SLC9A9: variants seen among roughly 807,000 people sequenced by gnomAD.
The protein encoded by SLC9A9 is solute carrier family 9 member A9, also known as sodium/hydrogen exchanger 9.
SLC9A9 carries 62 observed loss-of-function variants against 77.8 expected under a neutral mutation model. The ratio of observed to expected loss-of-function variants is 0.80; its 90% confidence interval spans 0.65 to 0.98. The LOEUF is 0.98. SLC9A9 is among the 50% of genes least tolerant of loss of function. SLC9A9 has a pLI of 0.00. For missense variants in SLC9A9, 775 were observed against 774.9 expected, an observed-to-expected ratio of 1.00 and a Z score of 0.00; for synonymous variants, 320 against 283.5, an observed-to-expected ratio of 1.13 and a Z score of -1.29.
chr3:143,557,750 A>G (rs1452116750), intron 8 of SLC9A9, among the ~76,000 whole-genome samples: 1 of 152,216 alleles, frequency 6.6e-6, no homozygotes, highest in Non-Finnish European at 1.5e-5. Context: ...TGAACTTGAG[A>G]GAGATAATTT....
chr3:143,645,869 G>C (rs1056951461), intron 6 of SLC9A9, among the ~76,000 whole-genome samples: 4 of 151,956 alleles, frequency 2.6e-5, no homozygotes, highest in Non-Finnish European at 5.9e-5. Context: ...TGTCATCCAA[G>C]AGTCAGCTGT....
rs1474388129 is a variant in SLC9A9 at position 143,730,729 on chromosome 3, G to A, written c.534-37422C>T. On this transcript the variant is annotated intron_variant, in intron 4 of 15. Coordinates refer to ENST00000316549, the MANE Select transcript of SLC9A9 (RefSeq NM_173653.4). ...ATTTCGGTGCCTATTGAAATGCCTG[G>A]AACATATTGCAAACACTTAGTAAGC... is the stretch of plus-strand genomic sequence containing the variant. Among the ~76,000 whole-genome samples the A allele has an allele frequency of 2.0e-5, 3 of 152,168 alleles. 1 individual carries two copies.
At chr3:143,494,293 G>GC (rs1325540160) in intron 10 of SLC9A9, among the ~76,000 whole-genome samples, 17 of 152,120 alleles carry the variant, frequency 1.1e-4, no homozygotes, top group African/African-American at 4.1e-4. Context: ...GCTTTATCTG[G>GC]CAATTTCCTA....
intron 1 of SLC9A9, among the ~76,000 whole-genome samples, chr3:143,844,745 CT>C (rs1270648839): frequency 8.9e-5 from 13 of 146,068 alleles, no homozygotes; most frequent in South Asian, 7.0e-4. Context: ...TTCTTTCTTT[CT>C]TTCTTTCTTT....
chr3:143,497,115 A>C (rs1158305053), intron 9 of SLC9A9, among the ~76,000 whole-genome samples: 1 of 152,218 alleles, frequency 6.6e-6, no homozygotes, highest in Non-Finnish European at 1.5e-5. Flanking sequence ...CAACATATGA[A>C]TTTTTAGAGA....
chr3:143,811,379 A>T (rs1448288229), intron 2 of SLC9A9, among the ~76,000 whole-genome samples: 1 of 152,138 alleles, frequency 6.6e-6, no homozygotes, highest in Non-Finnish European at 1.5e-5. Flanking sequence ...CCTAATGAAA[A>T]TATACCACCT....
At chr3:143,704,794 A>C (rs967739207) in intron 4 of SLC9A9, among the ~76,000 whole-genome samples, 12 of 152,060 alleles carry the variant, frequency 7.9e-5, no homozygotes, top group Non-Finnish European at 1.8e-4. Context: ...GGGGTTCAAG[A>C]CCAGCCTGAC....
At chr3:143,314,876 G>A (rs1387145198) in intron 14 of SLC9A9, among the ~76,000 whole-genome samples, 1 of 152,216 alleles carries the variant, frequency 6.6e-6, no homozygotes, top group Non-Finnish European at 1.5e-5. Context: ...TAACCTCAGA[G>A]CCTCCCTTGA....
chr3:143,302,794 G>A (rs535083675), intron 14 of SLC9A9, among the ~76,000 whole-genome samples: 1 of 152,346 alleles, frequency 6.6e-6, no homozygotes, highest in South Asian at 2.1e-4. Flanking sequence ...GGAGGATAAA[G>A]CCAGATGGGT....
At chr3:143,304,793 G>A (rs2030704620) in intron 14 of SLC9A9, among the ~76,000 whole-genome samples, 1 of 152,012 alleles carries the variant, frequency 6.6e-6, no homozygotes, top group African/African-American at 2.4e-5. Context: ...TTCCTATTAC[G>A]ACTTAAGTCC....
chr3:143,273,809 A>G (rs1937965617), intron 14 of SLC9A9, among the ~76,000 whole-genome samples: 1 of 152,182 alleles, frequency 6.6e-6, no homozygotes, highest in Non-Finnish European at 1.5e-5. Flanking sequence ...AAGACACTGA[A>G]TTTTCAGCAA....
At chr3:143,619,485 T>C (rs1274430687) in intron 6 of SLC9A9, among the ~76,000 whole-genome samples, 1 of 152,236 alleles carries the variant, frequency 6.6e-6, no homozygotes, top group Non-Finnish European at 1.5e-5. Flanking sequence ...ACATTTTCCA[T>C]GCATAGCAGT....
Position 143,767,376 on chromosome 3 carries a change from A to ATGTGTGTGTGTG in SLC9A9, c.533+27613_533+27624dup, listed in dbSNP as rs142594079. ...TTTGTGAAACAGTAAGTGTCTGTGT[A>ATGTGTGTGTGTG]TGTGTGTGTGTGTGTGTGTGTGTGT... is the stretch of plus-strand genomic sequence containing the variant. On this transcript the variant is annotated intron_variant, in intron 4 of 15. Coordinates refer to ENST00000316549, the MANE Select transcript of SLC9A9 (RefSeq NM_173653.4). Among the ~76,000 whole-genome samples, 979 of 141,360 alleles carry ATGTGTGTGTGTG rather than the reference A, an allele frequency of 6.9e-3. 15 individuals carry two copies. Among genetic ancestry groups the ATGTGTGTGTGTG allele is most frequent in the African/African-American group, 0.022 (860 of 38,752 alleles). 92.7% of individuals were successfully genotyped at this position (141,360 alleles called of 152,430 possible). A position where few individuals can be genotyped will look rare whatever the true frequency, so the allele number is the denominator to read the frequency against.
chr3:143,278,553 C>A (rs887519139), intron 14 of SLC9A9, among the ~76,000 whole-genome samples: 2 of 152,206 alleles, frequency 1.3e-5, no homozygotes, highest in African/African-American at 4.8e-5. Flanking sequence ...CTGAGGCCAG[C>A]AATCCTTGGT....
At chr3:143,707,722 A>G (rs1298329811) in intron 4 of SLC9A9, among the ~76,000 whole-genome samples, 1 of 152,180 alleles carries the variant, frequency 6.6e-6, no homozygotes. Flanking sequence ...TTTCCCCTGC[A>G]AGCCAGTTCA....
chr3:143,413,899 GC>G lies in SLC9A9; in HGVS notation c.1470-31786del, dbSNP rs985970619. ...GTCTTACGTGGGTGAAAATATACTG[GC>G]TTTTTCTGGTGAGGGGCCTGTGCCC... On this transcript the variant is annotated intron_variant, in intron 12 of 15. Transcript: ENST00000316549. 2.1e-4 allele frequency among the ~76,000 whole-genome samples: 32 copies of G among 152,206 alleles called. 1 individual carries two copies. The highest frequency in any genetic ancestry group is 8.5e-4 in the Admixed American group (13 of 15,300).
rs114573182 is a variant in SLC9A9, at chr3:143,627,594, A to T, written c.755+24661T>A. 2,302 of 321,606 alleles carry T rather than the reference A, an allele frequency of 7.2e-3. 45 individuals are homozygous for T. The highest frequency in any genetic ancestry group is 0.046 in the African/African-American group (2,091 of 45,274). 19.9% of individuals were successfully genotyped at this position (321,606 alleles called of 1,614,324 possible). A position where few individuals can be genotyped will look rare whatever the true frequency, so the allele number is the denominator to read the frequency against. On this transcript the variant is annotated intron_variant, in intron 6 of 15. Coordinates refer to ENST00000316549, the MANE Select transcript of SLC9A9 (RefSeq NM_173653.4). ...GTGGTTCTTTTCTGGCAGACCTCTCACTAACAAAATGAAATTGGAAGAGCC... is the reference window on the plus strand; with the variant it reads ...GTGGTTCTTTTCTGGCAGACCTCTCTCTAACAAAATGAAATTGGAAGAGCC...
intron 9 of SLC9A9, chr3:143,517,553 G>A (rs1225289286): frequency 1.1e-5 from 17 of 1,597,476 alleles, no homozygotes; most frequent in Admixed American, 8.3e-5. Flanking sequence ...CTGTGCCCTA[G>A]GTTGAACTTC....
chr3:143,308,075 ATG>A (rs2030870601), intron 14 of SLC9A9, among the ~76,000 whole-genome samples: 4 of 152,146 alleles, frequency 2.6e-5, no homozygotes, highest in African/African-American at 9.7e-5. Flanking sequence ...CTTAACCACT[ATG>A]GTAGCTGAGC....
Sources: allele counts gnomAD v4.1 joint callset (sites outside exome capture counted in the v4.1 genomes callset), GRCh38; gene constraint gnomAD v4.1.1; transcripts MANE v1.5; gene names NCBI Gene and HGNC (gene_info 2026-07-23, HGNC 2026-07-21).